Variants in PARD3B observed in about 807,000 individuals in gnomAD.
PARD3B encodes the protein par-3 family cell polarity regulator beta.
Under a neutral mutation model 130.2 loss-of-function variants are expected in PARD3B, and 103 were observed. The observed-to-expected ratio is 0.79, with a 90% CI of 0.67 to 0.93. PARD3B has a LOEUF of 0.93. Ranked by LOEUF, PARD3B falls within the 40% of genes least tolerant of loss-of-function variation. The pLI is 0.00. For missense variants in PARD3B, 1,609 were observed against 1,499.2 expected (o/e 1.07, Z -1.21); for synonymous variants, 583 against 553.2 (o/e 1.05, Z -0.76).
chr2:204,646,752 C>T (rs1046085530), intron 1 of PARD3B, among the ~76,000 whole-genome samples: 1 of 151,990 alleles, frequency 6.6e-6, no homozygotes, highest in East Asian at 1.9e-4. Context: ...CTTCCACATC[C>T]TAGAGTATGT....
intron 2 of PARD3B, among the ~76,000 whole-genome samples, chr2:204,854,659 C>T (rs1016521835): frequency 6.6e-6 from 1 of 152,132 alleles, no homozygotes; most frequent in African/African-American, 2.4e-5. Context: ...GAATCGTTGA[C>T]CTCCTCGGGA....
At position 205,579,113 on chromosome 2, in the gene PARD3B, C is replaced by A. The variant is rs182133772; in HGVS notation, c.3260+25710C>A. Among the ~76,000 whole-genome samples, 40 of 152,314 alleles carry A rather than the reference C, an allele frequency of 2.6e-4. No homozygotes were observed. The South Asian group carries it at 5.4e-3, about 21-fold the overall frequency. ...TTTGAAGCTGTAAGAAAATATATTT[C>A]TCTTCCTAGCCTTCTAATTGTTTAT... On this transcript the variant is annotated intron_variant, in intron 22 of 22. Coordinates refer to ENST00000406610, the MANE Select transcript of PARD3B (RefSeq NM_001302769.2).
chr2:205,272,830 C>G (rs1217183396), intron 16 of PARD3B, among the ~76,000 whole-genome samples: 1 of 152,150 alleles, frequency 6.6e-6, no homozygotes, highest in African/African-American at 2.4e-5. Context: ...TCTTATTATT[C>G]AAAACCATTA....
intron 18 of PARD3B, among the ~76,000 whole-genome samples, chr2:205,387,555 G>A (rs1312354860): frequency 6.6e-6 from 1 of 152,136 alleles, no homozygotes; most frequent in Non-Finnish European, 1.5e-5. Flanking sequence ...GAGTGTTAGG[G>A]TTGGTGTAAA....
intron 18 of PARD3B, among the ~76,000 whole-genome samples, chr2:205,324,879 A>G (rs982125562): frequency 6.6e-6 from 1 of 152,134 alleles, no homozygotes; most frequent in African/African-American, 2.4e-5. Flanking sequence ...CCCAAAATCA[A>G]CCTGTATATT....
intron 18 of PARD3B, among the ~76,000 whole-genome samples, chr2:205,365,549 C>CTTATT (rs1553686134): frequency 8.8e-6 from 1 of 113,760 alleles, no homozygotes; most frequent in South Asian, 2.7e-4. Context: ...CCCAACCTTC[C>CTTATT]TTTTTTTTTT....
At chr2:205,436,282 G>A (rs889562309) in intron 19 of PARD3B, among the ~76,000 whole-genome samples, 1 of 152,178 alleles carries the variant, frequency 6.6e-6, no homozygotes, top group Non-Finnish European at 1.5e-5. Context: ...TACCGCCGTA[G>A]CAACCATGTT....
chr2:204,986,592 A>G (rs1289847568), intron 3 of PARD3B, among the ~76,000 whole-genome samples: 3 of 152,238 alleles, frequency 2.0e-5, no homozygotes, highest in Non-Finnish European at 4.4e-5. Context: ...AATTAATACT[A>G]TATATGCCTG....
chr2:204,807,176 C>G (rs940027831), intron 2 of PARD3B, among the ~76,000 whole-genome samples: 1 of 152,132 alleles, frequency 6.6e-6, no homozygotes. Flanking sequence ...ATTCAATTAC[C>G]TCTACCAGAT....
chr2:205,599,284 G>A (rs2054691068), intron 22 of PARD3B, among the ~76,000 whole-genome samples: 1 of 152,074 alleles, frequency 6.6e-6, no homozygotes, highest in Admixed American at 6.6e-5. Flanking sequence ...CTTACATTGA[G>A]GCACATGCAA....
chr2:204,632,834 T>G (rs2034731367), intron 1 of PARD3B, among the ~76,000 whole-genome samples: 1 of 152,122 alleles, frequency 6.6e-6, no homozygotes, highest in Admixed American at 6.5e-5. Context: ...TGGGTCAAGG[T>G]GTTTCTCTAA....
chr2:205,373,236 C>T (rs2044894091), intron 18 of PARD3B, among the ~76,000 whole-genome samples: 2 of 152,100 alleles, frequency 1.3e-5, no homozygotes, highest in Non-Finnish European at 2.9e-5. Context: ...AAAATCAAAC[C>T]TTAGCCCTGT....
intron 16 of PARD3B, among the ~76,000 whole-genome samples, chr2:205,257,088 T>C (rs1305342099): frequency 2.0e-5 from 3 of 152,022 alleles, no homozygotes; most frequent in African/African-American, 7.2e-5. Context: ...CCCAACTGTA[T>C]CCAATAAAAA....
chr2:204,900,407 C>A (rs1559240876), intron 2 of PARD3B, among the ~76,000 whole-genome samples: 1 of 152,138 alleles, frequency 6.6e-6, no homozygotes, highest in African/African-American at 2.4e-5. Context: ...GAGACACCGA[C>A]ACAGTCTTCA....
chr2:205,413,245 G>A (rs2046660783), intron 19 of PARD3B, among the ~76,000 whole-genome samples: 1 of 152,086 alleles, frequency 6.6e-6, no homozygotes, highest in Admixed American at 6.6e-5. Flanking sequence ...CTAGAACTGT[G>A]CTTGGCACAT....
At chr2:205,303,392 C>T (rs1306250566) in intron 18 of PARD3B, among the ~76,000 whole-genome samples, 2 of 152,118 alleles carry the variant, frequency 1.3e-5, no homozygotes, top group African/African-American at 4.8e-5. Flanking sequence ...GTGATTTTCC[C>T]ACTGACCTAT....
chr2:205,004,749 TATTAGGATTAAAACCAGAA>T (rs1388876205), intron 3 of PARD3B, among the ~76,000 whole-genome samples: 2 of 152,252 alleles, frequency 1.3e-5, no homozygotes, highest in Non-Finnish European at 2.9e-5. Context: ...TGAGGGCAAC[TATTAGGATTAAAACCAGAA>T]ATTAGACATA....
intron 18 of PARD3B, among the ~76,000 whole-genome samples, chr2:205,323,653 G>A (rs1260538771): frequency 1.3e-5 from 2 of 152,128 alleles, no homozygotes; most frequent in African/African-American, 4.8e-5. Context: ...TTCCACTAAT[G>A]TAGTCAACAT....
chr2:204,858,651 A>G (rs562072743), intron 2 of PARD3B, among the ~76,000 whole-genome samples: 1 of 151,224 alleles, frequency 6.6e-6, no homozygotes, highest in South Asian at 2.1e-4. Context: ...TTGCTAAATG[A>G]ATAGATTATA....
Sources: allele counts gnomAD v4.1 joint callset (sites outside exome capture counted in the v4.1 genomes callset), GRCh38; gene constraint gnomAD v4.1.1; transcripts MANE v1.5; gene names NCBI Gene and HGNC (gene_info 2026-07-23, HGNC 2026-07-21).